The following RFT1 variants were observed in gnomAD, a reference collection of about 807,000 sequenced individuals.
RFT1 encodes the protein man(5)GlcNAc(2)-PP-dolichol translocation protein RFT1.
Under a neutral mutation model 62.2 loss-of-function variants are expected in RFT1, and 43 were observed. The ratio of observed to expected loss-of-function variants is 0.69; its 90% confidence interval spans 0.54 to 0.89. RFT1 has a LOEUF of 0.89. Ranked by LOEUF, RFT1 falls within the 40% of genes least tolerant of loss-of-function variation. RFT1 has a pLI of 0.00. For missense variants in RFT1, 605 were observed against 649.9 expected (o/e 0.93, Z 0.75); for synonymous variants, 262 against 264.6 (o/e 0.99, Z 0.10).
chr3:53,126,052 C>A, intron 1 of RFT1, 58 bp from the exon 2 acceptor site: 1 of 1,357,650 alleles, frequency 7.4e-7, no homozygotes, highest in Non-Finnish European at 1.0e-6. Context: ...GTTTACTTAG[C>A]TGAAATGAGA....
chr3:53,078,487 G>A, the RFT1 span, among the ~76,000 whole-genome samples: 2 of 152,138 alleles, frequency 1.3e-5, no homozygotes, highest in African/African-American at 2.4e-5. Flanking sequence ...AGTGGCTCAC[G>A]CCTGTAATCC....
chr3:53,096,383 T>TA (rs34131721), intron 11 of RFT1, among the ~76,000 whole-genome samples: 11,122 of 150,658 alleles, frequency 0.074, 467 homozygotes, highest in East Asian at 0.12. Flanking sequence ...ATGAGGTTAT[T>TA]AAAAAAAAAG....
At position 53,118,535 on chromosome 3, in the gene RFT1, T is replaced by C. The variant is rs932314189; in HGVS notation, c.696+1349A>G. 2.6e-5 allele frequency among the ~76,000 whole-genome samples: 4 copies of C among 152,324 alleles called. No homozygotes were observed. In the East Asian group the frequency reaches 5.8e-4, roughly 22 times the overall value. On this transcript the variant is annotated intron_variant, in intron 6 of 12. Coordinates refer to ENST00000296292, the MANE Select transcript of RFT1 (RefSeq NM_052859.4). ...CGAAAAGTTGTATAACAGGATTCTG[T>C]GAATTCTGAGACTTAAGTCTCACAT...
intron 11 of RFT1, among the ~76,000 whole-genome samples, chr3:53,096,450 G>A (rs80132892): frequency 0.27 from 40,576 of 151,826 alleles, 5,955 homozygotes; most frequent in Middle Eastern, 0.4. Context: ...GGGAGGCTGA[G>A]ATGGGCAGAT....
At chr3:53,084,410 T>A (rs1375215770), downstream of RFT1, among the ~76,000 whole-genome samples, 3 of 152,054 alleles carry the variant, frequency 2.0e-5, no homozygotes, top group Non-Finnish European at 4.4e-5. Context: ...CATTTCAGGC[T>A]CCCCCTGCTC....
chr3:53,120,834 G>A (rs1220771320), intron 5 of RFT1, among the ~76,000 whole-genome samples: 1 of 152,186 alleles, frequency 6.6e-6, no homozygotes, highest in Non-Finnish European at 1.5e-5. Flanking sequence ...CACTTTAGTA[G>A]GTGTGGGCCC....
chr3:53,075,363 T>C, the RFT1 span, among the ~76,000 whole-genome samples: 2 of 152,222 alleles, frequency 1.3e-5, no homozygotes, highest in African/African-American at 4.8e-5. Flanking sequence ...CCCTTGTCTC[T>C]TGATGGCTGA....
chr3:53,085,727 A>G (rs1226232947), downstream of RFT1: 1 of 152,230 alleles, frequency 6.6e-6, no homozygotes, highest in African/African-American at 2.4e-5. Context: ...CTTGCAAGGA[A>G]AGACCTAATT....
chr3:53,096,028 T>C (rs537828896), intron 11 of RFT1, among the ~76,000 whole-genome samples: 1 of 152,286 alleles, frequency 6.6e-6, no homozygotes, highest in African/African-American at 2.4e-5. Context: ...TTAGACCACC[T>C]TCTTGGTCAT....
intron 10 of RFT1, among the ~76,000 whole-genome samples, chr3:53,099,961 C>T (rs1429756850): frequency 6.6e-6 from 1 of 152,188 alleles, no homozygotes; most frequent in African/African-American, 2.4e-5. Flanking sequence ...GCACTCCAGC[C>T]TGGGTGACAG....
intron 11 of RFT1, among the ~76,000 whole-genome samples, chr3:53,098,796 C>A (rs1701225656): frequency 2.7e-5 from 2 of 73,760 alleles, no homozygotes; most frequent in Admixed American, 2.4e-4. Context: ...AGCGAGACTC[C>A]ATCTCAAAAA....
chr3:53,091,781 T>A lies in RFT1; in HGVS notation c.*122A>T. On this transcript the variant is annotated 3_prime_UTR_variant, in exon 13 of 13. Transcript: ENST00000296292. ...TGCAGTGGCACTCTCTGGTGCCTCA[T>A]CTCTGGGGTTGCTGTCACTCCGCTG... 9.7e-7 allele frequency: 1 copy of A among 1,032,080 alleles called. No individual in the cohort carries two copies. The highest frequency in any genetic ancestry group is 1.5e-6 in the Non-Finnish European group (1 of 668,212). The allele number at this position is 1,032,080 out of a possible 1,614,324, so 63.9% of individuals were successfully genotyped here. A position where few individuals can be genotyped will look rare whatever the true frequency, so the allele number is the denominator to read the frequency against.
chr3:53,098,380 C>G (rs1213886574), intron 11 of RFT1, among the ~76,000 whole-genome samples: 2 of 152,282 alleles, frequency 1.3e-5, no homozygotes, highest in African/African-American at 2.4e-5. Context: ...TTTACATGAG[C>G]CAGCGCAGGA....
intron 6 of RFT1, among the ~76,000 whole-genome samples, chr3:53,117,465 T>G (rs1199351420): frequency 6.6e-6 from 1 of 152,178 alleles, no homozygotes; most frequent in Non-Finnish European, 1.5e-5. Flanking sequence ...CTCCTACATG[T>G]CTGTATCCCT....
intron 11 of RFT1, 31 bp downstream of exon 11, chr3:53,099,350 T>G: frequency 6.5e-7 from 1 of 1,545,866 alleles, no homozygotes. Context: ...CTGAAGGCCA[T>G]GATTAAAGGT....
downstream of RFT1, among the ~76,000 whole-genome samples, chr3:53,087,591 T>C (rs1358030434): frequency 1.3e-5 from 2 of 152,068 alleles, no homozygotes; most frequent in African/African-American, 2.4e-5. Context: ...AGCGCGAACA[T>C]GCTCATTGCA....
At chr3:53,108,109 C>T (rs1363176349) in intron 7 of RFT1, among the ~76,000 whole-genome samples, 1 of 152,182 alleles carries the variant, frequency 6.6e-6, no homozygotes, top group Non-Finnish European at 1.5e-5. Context: ...AGTGCAGTGG[C>T]GCGATCTCAG....
chr3:53,121,731 G>A lies in RFT1; in HGVS notation c.526C>T (p.His176Tyr). 6.2e-7 allele frequency: 1 copy of A among 1,614,062 alleles called. No individual in the cohort carries two copies. Among genetic ancestry groups the A allele is most frequent in the Non-Finnish European group, 8.5e-7 (1 of 1,179,952 alleles). ...AAAGAGAAAATGTACAATCCCCAGT[G>A]AGGCAACCACAGCACGAGAAAAGCT... ...LTAFLVLWLP[H>Y]WGLYIFSLAQ... The change falls in exon 5 of 13, where the codon CAC becomes TAC. Residue 176 changes from histidine to tyrosine, a missense_variant. By Grantham distance (83) the His-to-Tyr change is moderately conservative. Transcript: ENST00000296292.
At chr3:53,111,113 T>C (rs1246341272) in intron 7 of RFT1, among the ~76,000 whole-genome samples, 1 of 152,132 alleles carries the variant, frequency 6.6e-6, no homozygotes, top group Non-Finnish European at 1.5e-5. Flanking sequence ...TATAAATAAA[T>C]GATATAAAAT....
Sources: allele counts gnomAD v4.1 joint callset (sites outside exome capture counted in the v4.1 genomes callset), GRCh38; gene constraint gnomAD v4.1.1; transcripts MANE v1.5; gene names NCBI Gene and HGNC (gene_info 2026-07-23, HGNC 2026-07-21).